Variants in RNF212 observed in about 807,000 individuals in gnomAD.
The protein encoded by RNF212 is ring finger protein 212, also known as probable E3 SUMO-protein ligase RNF212.
In RNF212, 33 loss-of-function variants were observed where a neutral mutation model predicts 34.7. The observed-to-expected ratio is 0.95, with a 90% confidence interval of 0.72 to 1.27. The LOEUF (loss-of-function observed/expected upper bound fraction) is 1.27, where lower values mean the gene tolerates loss of function less well. RNF212 is among the 50% of genes most tolerant of loss of function. The pLI, the probability that RNF212 is intolerant of heterozygous loss-of-function variation, is 0.00. For missense variants in RNF212, 377 were observed against 362.2 expected, an observed-to-expected ratio of 1.04 and a Z score of -0.33; for synonymous variants, 140 against 136.1, an observed-to-expected ratio of 1.03 and a Z score of -0.20.
At chr4:1,065,876 G>A (rs10031302) in intron 3 of RNF212, among the ~76,000 whole-genome samples, 119,553 of 151,078 alleles carry the variant, frequency 0.79, 48,306 homozygotes, top group African/African-American at 0.89. Context: ...ATCCGTGCCC[G>A]GCCTGTTTTT....
chr4:1,104,440 T>C (rs1218849391), intron 2 of RNF212, among the ~76,000 whole-genome samples: 1 of 152,146 alleles, frequency 6.6e-6, no homozygotes, highest in Non-Finnish European at 1.5e-5. Context: ...CTCCAGGGCT[T>C]CTGTGGTGAC....
Position 1,072,493 on chromosome 4 carries a change from G to C in RNF212, c.*381C>G, listed in dbSNP as rs534071689. ...GATGAGGATGATGGGGGAGCTGTGCGTGTGTGGAGTCATGGTGTATATGGG... is the reference window on the plus strand; with the variant it reads ...GATGAGGATGATGGGGGAGCTGTGCCTGTGTGGAGTCATGGTGTATATGGG... On this transcript the variant is annotated 3_prime_UTR_variant, in exon 10 of 10. Coordinates refer to ENST00000433731, the MANE Select transcript of RNF212 (RefSeq NM_001131034.4). 2 of 202,156 alleles carry C rather than the reference G, an allele frequency of 9.9e-6. No individual in the cohort carries two copies. Among genetic ancestry groups the C allele is most frequent in the Admixed American group, 1.1e-4 (2 of 18,126 alleles). 12.5% of individuals were successfully genotyped at this position (202,156 alleles called of 1,614,324 possible).
At chr4:1,079,522 A>T in intron 8 of RNF212, 121 bp downstream of exon 8, 1 of 771,166 alleles carries the variant, frequency 1.3e-6, no homozygotes, top group East Asian at 2.5e-5. Context: ...CACACGAAGC[A>T]GCAGCACTGT....
intron 4 of RNF212, among the ~76,000 whole-genome samples, chr4:1,057,863 G>A (rs529414294): frequency 1.3e-5 from 2 of 152,304 alleles, no homozygotes; most frequent in South Asian, 4.2e-4. Flanking sequence ...TCGGGAGTTC[G>A]AGACCAGCCT....
intron 3 of RNF212, among the ~76,000 whole-genome samples, chr4:1,065,026 G>T (rs1718000691): frequency 6.6e-6 from 1 of 152,236 alleles, no homozygotes; most frequent in South Asian, 2.1e-4. Context: ...CACACATTGT[G>T]CCTATCCATT....
chr4:1,090,659 A>G, intron 4 of RNF212, 123 bp downstream of exon 4: 1 of 690,958 alleles, frequency 1.4e-6, no homozygotes, highest in African/African-American at 1.8e-5. Context: ...CTGGAAACAC[A>G]CAGAGAAACA....
chr4:1,070,647 T>C (rs1412509739), downstream of RNF212, among the ~76,000 whole-genome samples: 1 of 148,174 alleles, frequency 6.7e-6, no homozygotes, highest in Non-Finnish European at 1.5e-5. Context: ...TCAGCGTGGA[T>C]GCCTGGTCTG....
At chr4:1,069,595 A>G (rs150846610), downstream of RNF212, among the ~76,000 whole-genome samples, 2 of 152,222 alleles carry the variant, frequency 1.3e-5, no homozygotes, top group Non-Finnish European at 2.9e-5. Context: ...CAAAGTGAAG[A>G]GGAATCAATC....
In RNF212 at chr4:1,102,847, G is replaced by A. The variant is rs546467923; in HGVS notation, c.171+5496C>T. Among the ~76,000 whole-genome samples, 427 of 148,286 alleles carry A rather than the reference G, an allele frequency of 2.9e-3. 2 individuals carry two copies. The highest frequency in any genetic ancestry group is 5.0e-3 in the Admixed American group (73 of 14,680). On this transcript the variant is annotated intron_variant, in intron 2 of 9. Transcript: ENST00000433731. ...AGCCTAGGCAACAGAGCGAGACTCC[G>A]TCTCAAAAAAAAGGCCGGGCACGGT...
chr4:1,108,972 A>T (rs1450615167), intron 1 of RNF212, among the ~76,000 whole-genome samples: 1 of 149,100 alleles, frequency 6.7e-6, no homozygotes, highest in African/African-American at 2.5e-5. Flanking sequence ...AAGTGCTGGG[A>T]TTGTAGGCGT....
chr4:1,068,107 A>G (rs1266707086), downstream of RNF212, among the ~76,000 whole-genome samples: 3 of 152,236 alleles, frequency 2.0e-5, no homozygotes, highest in African/African-American at 7.2e-5. Flanking sequence ...AGAATTTGAC[A>G]CTATCCTAAC....
chr4:1,089,234 G>T (rs994319950), intron 4 of RNF212, among the ~76,000 whole-genome samples: 1 of 152,224 alleles, frequency 6.6e-6, no homozygotes, highest in African/African-American at 2.4e-5. Flanking sequence ...AAGGCCTTGG[G>T]AGCCCCCCTA....
chr4:1,085,536 G>A (rs140928446), intron 5 of RNF212, among the ~76,000 whole-genome samples: 24 of 152,344 alleles, frequency 1.6e-4, no homozygotes, highest in Middle Eastern at 3.4e-3. Flanking sequence ...CAGGCAGCCA[G>A]GCTGCAGGTG....
chr4:1,083,359 G>C (rs1381147903), intron 5 of RNF212, among the ~76,000 whole-genome samples: 2 of 152,114 alleles, frequency 1.3e-5, no homozygotes, highest in African/African-American at 4.8e-5. Flanking sequence ...AAACTCAATG[G>C]GGGCCGGGTG....
chr4:1,090,778 T>C lies in RNF212; in HGVS notation c.303+4A>G, dbSNP rs1316733570. The C allele has an allele frequency of 2.6e-6, 4 of 1,533,320 alleles. No individual in the cohort carries two copies. The South Asian group carries it at 3.4e-5, about 13-fold the overall frequency. 95.0% of individuals were successfully genotyped at this position (1,533,320 alleles called of 1,614,324 possible). On this transcript the variant is annotated splice_donor_region_variant and intron_variant, in intron 4 of 9. Coordinates refer to ENST00000433731, the MANE Select transcript of RNF212 (RefSeq NM_001131034.4). ...TCAAGTGGCAATGAATCAATTCCAC[T>C]TACCTTTTCTCTATAGAAGGCTAAC...
At chr4:1,086,100 G>T in intron 4 of RNF212, 146 bp from the exon 5 acceptor site, 1 of 681,052 alleles carries the variant, frequency 1.5e-6, no homozygotes, top group Non-Finnish European at 2.6e-6. Flanking sequence ...TCTGCCTGGA[G>T]TTCCGCCCAT....
In RNF212 at chr4:1,072,948, G is replaced by C. The variant is rs777137480; in HGVS notation, c.820C>G (p.Leu274Val). The stretch of plus-strand genomic sequence containing the variant: ...ACAGCGGGTGTTCTGAACGTGTCCA[G>C]GGTGCCCTCAGCCTGCTGGAACGGA... ...LFPFQQAEGT[L>V]DTFRTPAVSV... The change falls in exon 10 of 10, where the codon CTG becomes GTG. Residue 274 changes from leucine (L) to valine (V), a missense_variant. By Grantham distance (32) the Leu-to-Val change is conservative. Coordinates refer to ENST00000433731, the MANE Select transcript of RNF212 (RefSeq NM_001131034.4). 9.3e-6 allele frequency: 15 copies of C among 1,614,062 alleles called. No homozygotes were observed. In the East Asian group the frequency reaches 1.1e-4, roughly 12 times the overall value.
chr4:1,111,683 C>G lies in RNF212; in HGVS notation c.109+1673G>C, dbSNP rs566006276. Among the ~76,000 whole-genome samples, 418 of 152,272 alleles carry G rather than the reference C, an allele frequency of 2.7e-3. 2 individuals are homozygous for G. Among genetic ancestry groups the G allele is most frequent in the Admixed American group, 4.8e-3 (73 of 15,296 alleles). ...CCAATCTACTTTTCACCTCGCTGCC[C>G]GAGACACTTTTGTTTTTAAATACAC... On this transcript the variant is annotated intron_variant, in intron 1 of 9. Coordinates refer to ENST00000433731, the MANE Select transcript of RNF212 (RefSeq NM_001131034.4).
chr4:1,096,960 G>C, intron 2 of RNF212, 121 bp from the exon 3 acceptor site: 1 of 762,722 alleles, frequency 1.3e-6, no homozygotes, highest in Non-Finnish European at 2.3e-6. Flanking sequence ...CCAGCACATT[G>C]TGAATGGCCT....
Sources: allele counts gnomAD v4.1 joint callset (sites outside exome capture counted in the v4.1 genomes callset), GRCh38; gene constraint gnomAD v4.1.1; transcripts MANE v1.5; gene names NCBI Gene and HGNC (gene_info 2026-07-23, HGNC 2026-07-21).